The following TOP1 variants were observed in gnomAD, a reference collection of about 807,000 sequenced individuals.
TOP1 encodes DNA topoisomerase 1.
TOP1 carries 10 observed loss-of-function variants against 111.1 expected under a neutral mutation model. That is an observed-to-expected ratio of 0.09 (90% CI 0.06 to 0.15). The LOEUF (loss-of-function observed/expected upper bound fraction) is 0.15, where lower values mean the gene tolerates loss of function less well. TOP1 is among the 10% of genes least tolerant of loss of function. The pLI is 1.00. For synonymous variants in TOP1, 271 were observed against 302.9 expected, an observed-to-expected ratio of 0.89 and a Z score of 1.10; for missense variants, 474 against 926.7, an observed-to-expected ratio of 0.51 and a Z score of 6.34.
Position 41,100,443 on chromosome 20 carries a change from C to T in TOP1, c.1163+200C>T, listed in dbSNP as rs537139152. Among the ~76,000 whole-genome samples, 1 of 152,258 alleles carries T rather than the reference C, an allele frequency of 6.6e-6. No homozygotes were observed. Among genetic ancestry groups the T allele is most frequent in the African/African-American group, 2.4e-5 (1 of 41,552 alleles). ...TCCACAGGGGATATGTTCCAAGACC[C>T]CCAGTGGATGCCTGCAACTTCGACC... On this transcript the variant is annotated intron_variant, in intron 12 of 20. Transcript: ENST00000361337. The surrounding 1 kb of genome is among the most constrained non-coding windows in gnomAD (Gnocchi z 4.4).
At chr20:41,033,158 G>A (rs1255924976) in intron 2 of TOP1, among the ~76,000 whole-genome samples, 1 of 152,036 alleles carries the variant, frequency 6.6e-6, no homozygotes. Flanking sequence ...GATGTTTCTA[G>A]TAAAAACAAG....
rs1006177787 is a variant in TOP1, at chr20:41,118,141, T to A, written c.1823-28T>A. The stretch of plus-strand genomic sequence containing the variant: ...TCACTTTTGGTGTACAAACTGACCC[T>A]CTTGCTACCATGTTCCTTTCTTTAC... On this transcript the variant is annotated intron_variant, in intron 17 of 20. Transcript: ENST00000361337. This position sits in a 1 kb window ranked among gnomAD's most constrained non-coding sequence, Gnocchi z 4.6. 2 of 1,608,394 alleles carry A rather than the reference T, an allele frequency of 1.2e-6. No individual in the cohort carries two copies. The highest frequency in any genetic ancestry group is 1.7e-6 in the Non-Finnish European group (2 of 1,175,862).
intron 2 of TOP1, among the ~76,000 whole-genome samples, chr20:41,042,480 C>T (rs2033279767): frequency 6.6e-6 from 1 of 152,134 alleles, no homozygotes; most frequent in Non-Finnish European, 1.5e-5. Context: ...TGTTTTCATA[C>T]TAATACTAGG....
chr20:41,038,717 G>A (rs778407326), intron 2 of TOP1, among the ~76,000 whole-genome samples: 7 of 152,106 alleles, frequency 4.6e-5, no homozygotes, highest in Admixed American at 2.0e-4. Context: ...CAGGCCTGGA[G>A]GCTCATGCCT....
At chr20:41,117,055 A>C (rs1318016282) in intron 17 of TOP1, among the ~76,000 whole-genome samples, 1 of 152,200 alleles carries the variant, frequency 6.6e-6, no homozygotes, top group African/African-American at 2.4e-5. Flanking sequence ...TTTTCTTTTT[A>C]AATAAGATAC....
intron 2 of TOP1, among the ~76,000 whole-genome samples, chr20:41,047,676 G>A (rs2122604946): frequency 6.6e-6 from 1 of 152,306 alleles, no homozygotes; most frequent in South Asian, 2.1e-4. Flanking sequence ...GTGCTACTGT[G>A]GCAGAATTGA....
At chr20:41,047,642 T>C (rs1308421653) in intron 2 of TOP1, among the ~76,000 whole-genome samples, 2 of 152,254 alleles carry the variant, frequency 1.3e-5, no homozygotes, top group East Asian at 3.8e-4. Flanking sequence ...CTCATTCATT[T>C]ACATGTAATC....
chr20:41,037,256 T>C (rs1449059416), intron 2 of TOP1, among the ~76,000 whole-genome samples: 1 of 152,218 alleles, frequency 6.6e-6, no homozygotes, highest in African/African-American at 2.4e-5. Context: ...AACCATTTAA[T>C]AGAATTATGG....
intron 3 of TOP1, among the ~76,000 whole-genome samples, chr20:41,068,273 T>A (rs2033630475): frequency 6.6e-6 from 1 of 152,210 alleles, no homozygotes; most frequent in African/African-American, 2.4e-5. Flanking sequence ...GAAAACTTCA[T>A]CTCTGTCTTT....
intron 2 of TOP1, among the ~76,000 whole-genome samples, chr20:41,052,648 A>G (rs1165317173): frequency 1.3e-5 from 2 of 152,206 alleles, no homozygotes; most frequent in Non-Finnish European, 2.9e-5. Context: ...GCAGAGAACT[A>G]GGACTCTAGA....
Position 41,101,046 on chromosome 20 carries a change from G to T in TOP1, c.1164-163G>T. On this transcript the variant is annotated intron_variant, in intron 12 of 20. Transcript: ENST00000361337. The surrounding 1 kb of genome is among the most constrained non-coding windows in gnomAD (Gnocchi z 4.1). ...TATTGAATATTTTCGGATGACAGTTGGCTGAGGGTAAGTAAAACCATGCAT... is the reference window on the plus strand; with the variant it reads ...TATTGAATATTTTCGGATGACAGTTTGCTGAGGGTAAGTAAAACCATGCAT... 1.6e-6 allele frequency: 1 copy of T among 632,720 alleles called. No homozygotes were observed. The highest frequency in any genetic ancestry group is 2.7e-6 in the Non-Finnish European group (1 of 365,602). 39.2% of individuals were successfully genotyped at this position (632,720 alleles called of 1,614,324 possible).
intron 2 of TOP1, among the ~76,000 whole-genome samples, chr20:41,037,139 C>T (rs2033199396): frequency 6.6e-6 from 1 of 152,076 alleles, no homozygotes; most frequent in South Asian, 2.1e-4. Context: ...CTAATTCCTA[C>T]TTTTCTAAGA....
Position 41,114,244 on chromosome 20 carries a change from T to G in TOP1, c.1638+89T>G. The stretch of plus-strand genomic sequence containing the variant: ...CTTTTTTGTGTGCTTTGCACTTTGC[T>G]GGGCACCAGCAAAAGTGACTTGAGA... On this transcript the variant is annotated intron_variant, in intron 15 of 20. Transcript: ENST00000361337. This position sits in a 1 kb window ranked among gnomAD's most constrained non-coding sequence, Gnocchi z 4.5. 8.3e-7 allele frequency: 1 copy of G among 1,204,266 alleles called. No homozygotes were observed. Among genetic ancestry groups the G allele is most frequent in the Non-Finnish European group, 1.2e-6 (1 of 842,610 alleles). 74.6% of individuals were successfully genotyped at this position (1,204,266 alleles called of 1,614,324 possible). A position where few individuals can be genotyped will look rare whatever the true frequency, so the allele number is the denominator to read the frequency against.
chr20:41,074,876 C>G (rs969702871), intron 3 of TOP1, among the ~76,000 whole-genome samples: 4 of 152,144 alleles, frequency 2.6e-5, no homozygotes, highest in African/African-American at 9.7e-5. Flanking sequence ...TAATAGTGTT[C>G]TCTCACCTTA....
At position 41,078,883 on chromosome 20, in the gene TOP1, G is replaced by C. The variant is rs1045636617; in HGVS notation, c.336-1202G>C. Reference sequence around the variant, plus strand: ...TGCTTCACTGGAATACAGTTTTCAGGTAAATTGTTTTAGGACTTCTTCCTT... The same window carrying C: ...TGCTTCACTGGAATACAGTTTTCAGCTAAATTGTTTTAGGACTTCTTCCTT... On this transcript the variant is annotated intron_variant, in intron 5 of 20. Coordinates refer to ENST00000361337, the MANE Select transcript of TOP1 (RefSeq NM_003286.4). This position sits in a 1 kb window ranked among gnomAD's most constrained non-coding sequence, Gnocchi z 5.3. Among the ~76,000 whole-genome samples the C allele has an allele frequency of 1.3e-5, 2 of 152,170 alleles. No homozygotes were observed. Among genetic ancestry groups the C allele is most frequent in the Non-Finnish European group, 2.9e-5 (2 of 68,030 alleles).
At position 41,082,572 on chromosome 20, in the gene TOP1, GAAGA is replaced by G. The variant is rs1292341127; in HGVS notation, c.507+1336_507+1339del. On this transcript the variant is annotated intron_variant, in intron 7 of 20. Coordinates refer to ENST00000361337, the MANE Select transcript of TOP1 (RefSeq NM_003286.4). This position sits in a 1 kb window ranked among gnomAD's most constrained non-coding sequence, Gnocchi z 4.1. ...GATGCTCTAATTCTGCAAGGAGGGA[GAAGA>G]AAGGTCTTTAATGAAATCATATGAA... is the stretch of plus-strand genomic sequence containing the variant. Among the ~76,000 whole-genome samples, 10 of 152,338 alleles carry G rather than the reference GAAGA, an allele frequency of 6.6e-5. No homozygotes were observed. Among genetic ancestry groups the G allele is most frequent in the South Asian group, 4.1e-4 (2 of 4,826 alleles).
intron 3 of TOP1, chr20:41,073,393 G>C (rs1370649953): frequency 1.0e-6 from 1 of 974,976 alleles, no homozygotes; most frequent in Non-Finnish European, 1.2e-6. Flanking sequence ...AAAAAAGAAA[G>C]AAAGAAAAGA....
Position 41,115,779 on chromosome 20 carries a change from A to C in TOP1, c.1707+340A>C, listed in dbSNP as rs2235362. On this transcript the variant is annotated intron_variant, in intron 16 of 20. Transcript: ENST00000361337. The surrounding 1 kb of genome is among the most constrained non-coding windows in gnomAD (Gnocchi z 6.3). ...TCCCTGATATCTTAATAGGGAAGGA[A>C]AAATTTGCTTTATTGGTTTGTTAAG... 0.19 allele frequency among the ~76,000 whole-genome samples: 28,797 copies of C among 152,104 alleles called. 3,660 individuals are homozygous for C. Among genetic ancestry groups the C allele is most frequent in the East Asian group, 0.71 (3,633 of 5,150 alleles).
In TOP1 at chr20:41,068,572, CT is replaced by C. The variant is rs560946665; in HGVS notation, c.155+7088del. 5.2e-4 allele frequency among the ~76,000 whole-genome samples: 79 copies of C among 152,234 alleles called. 1 individual carries two copies. The highest frequency in any genetic ancestry group is 1.8e-3 in the African/African-American group (74 of 41,530). On this transcript the variant is annotated intron_variant, in intron 3 of 20. Transcript: ENST00000361337. ...TGCACCACCATGCTTGGTTAATTAA[CT>C]TTTTTGTTTTTAATAGAGATGGCGG...
Sources: allele counts gnomAD v4.1 joint callset (sites outside exome capture counted in the v4.1 genomes callset), GRCh38; gene constraint gnomAD v4.1.1; non-coding constraint Gnocchi (gnomAD v3.1); transcripts MANE v1.5; gene names NCBI Gene and HGNC (gene_info 2026-07-23, HGNC 2026-07-21).